PHF8: variants seen among roughly 807,000 people sequenced by gnomAD.
PHF8 encodes the protein histone lysine demethylase PHF8.
A neutral mutation model predicts 74.4 loss-of-function variants in PHF8; 9 were observed. The ratio of observed to expected loss-of-function variants is 0.12; its 90% CI spans 0.07 to 0.21. PHF8 has a LOEUF of 0.21. Ranked by LOEUF, PHF8 falls within the 10% of genes least tolerant of loss-of-function variation. PHF8 has a pLI of 1.00. For missense variants in PHF8, 478 were observed against 816.6 expected, an observed-to-expected ratio of 0.59 and a Z score of 5.05; for synonymous variants, 311 against 316.6, an observed-to-expected ratio of 0.98 and a Z score of 0.19.
intron 18 of PHF8, among the ~76,000 whole-genome samples, chrX:53,979,546 G>C (rs2065446407): frequency 9.0e-6 from 1 of 111,333 alleles, no homozygotes; most frequent in African/African-American, 3.3e-5. Flanking sequence ...CAAAAAACTA[G>C]TTTTTGAAAA....
chrX:53,954,499 CAAAAAAAAAAAA>C (rs1180184175), intron 19 of PHF8, among the ~76,000 whole-genome samples: 2 of 13,138 alleles, frequency 1.5e-4, no homozygotes, highest in South Asian at 6.7e-3. Flanking sequence ...GACTCTGTCT[CAAAAAAAAAAAA>C]AAAAAAAAAA....
intron 2 of PHF8, among the ~76,000 whole-genome samples, chrX:54,024,885 T>C (rs2066240905): frequency 9.0e-6 from 1 of 111,570 alleles, no homozygotes; most frequent in African/African-American, 3.3e-5. Context: ...TATTTATTTA[T>C]TTATTTTTTG....
chrX:53,987,153 C>T lies in PHF8; in HGVS notation c.1920G>A (p.Arg640=). The change falls in exon 16 of 22, where the codon CGG becomes CGA. Residue 640 remains arginine, a synonymous_variant. Transcript: ENST00000338154. ...AGCAAGGCTTCGCACGGGGCAATTTCCGGGGAAATTCTAGAAAACAATGGA... is the reference window on the plus strand; with the variant it reads ...AGCAAGGCTTCGCACGGGGCAATTTTCGGGGAAATTCTAGAAAACAATGGA... The part of the protein sequence containing the change: ...ATLIIRPKFP[R]KLPRAKPCSD... 1 of 1,184,329 alleles carries T rather than the reference C, an allele frequency of 8.4e-7. No homozygotes were observed. Among genetic ancestry groups the T allele is most frequent in the Non-Finnish European group, 1.1e-6 (1 of 871,088 alleles).
At chrX:53,948,732 A>T (rs1159296147) in intron 19 of PHF8, among the ~76,000 whole-genome samples, 2 of 111,620 alleles carry the variant, frequency 1.8e-5, no homozygotes, top group African/African-American at 6.5e-5. Flanking sequence ...ACATATGTTT[A>T]AAAATTGTCG....
chrX:54,042,969 G>T, intron 1 of PHF8, 149 bp from the exon 2 acceptor site: 1 of 539,749 alleles, frequency 1.9e-6, no homozygotes, highest in Non-Finnish European at 2.8e-6. Context: ...AGTCCACCCG[G>T]CCCTTAGAAT....
At chrX:53,992,953 G>C (rs1227382798) in intron 13 of PHF8, 114 bp from the exon 14 acceptor site, 4 of 531,748 alleles carry the variant, frequency 7.5e-6, no homozygotes, top group Non-Finnish European at 1.3e-5. Context: ...CCTGAGCCAA[G>C]GCCTTCTGCT....
At chrX:54,006,843 C>CAGG (rs1361952065) in intron 8 of PHF8, among the ~76,000 whole-genome samples, 7 of 106,550 alleles carry the variant, frequency 6.6e-5, no homozygotes. Context: ...GAGGCTAAGG[C>CAGG]AGGAGAATCG....
chrX:53,941,226 T>C (rs1263402992), intron 20 of PHF8, among the ~76,000 whole-genome samples: 1 of 112,724 alleles, frequency 8.9e-6, no homozygotes, highest in Non-Finnish European at 1.9e-5. Context: ...ATCTGCTTTT[T>C]AGGATTTTTG....
At chrX:53,941,565 C>T (rs1557083557) in intron 20 of PHF8, among the ~76,000 whole-genome samples, 1 of 111,806 alleles carries the variant, frequency 8.9e-6, no homozygotes, top group East Asian at 2.8e-4. Context: ...GTGCTGAGAG[C>T]ATGTAAATCA....
intron 17 of PHF8, 40 bp from the exon 18 acceptor site, chrX:53,985,267 T>C: frequency 9.4e-7 from 1 of 1,059,999 alleles, no homozygotes; most frequent in African/African-American, 1.8e-5. Flanking sequence ...GAGTTGTTTT[T>C]AGCTGTCAGA....
intron 19 of PHF8, among the ~76,000 whole-genome samples, chrX:53,947,414 T>G (rs1182714574): frequency 1.8e-5 from 2 of 113,067 alleles, no homozygotes; most frequent in Non-Finnish European, 3.7e-5. Flanking sequence ...GGAGAATTTC[T>G]GGATAAGCAG....
chrX:53,967,339 C>T (rs1557093211), intron 18 of PHF8, among the ~76,000 whole-genome samples: 15 of 107,347 alleles, frequency 1.4e-4, no homozygotes, highest in African/African-American at 4.8e-4. Flanking sequence ...CCCCGCCCGG[C>T]CAGCCGCCCC....
chrX:54,044,202 C>G lies in PHF8; in HGVS notation c.-533G>C, dbSNP rs1462676194. Reference sequence around the variant, plus strand: ...GGCGAACGGGCAAGTGGCGTCGTCGCTGGGCCGGCAGGAGATACTCGCGAG... The same window carrying G: ...GGCGAACGGGCAAGTGGCGTCGTCGGTGGGCCGGCAGGAGATACTCGCGAG... On this transcript the variant is annotated 5_prime_UTR_variant, in exon 1 of 22. Coordinates refer to ENST00000338154, the MANE Select transcript of PHF8 (RefSeq NM_015107.3). The G allele has an allele frequency of 1.3e-6, 1 of 754,090 alleles. No homozygotes were observed. Among genetic ancestry groups the G allele is most frequent in the African/African-American group, 2.3e-5 (1 of 43,689 alleles). 62.1% of individuals were successfully genotyped at this position (754,090 alleles called of 1,213,427 possible).
intron 18 of PHF8, among the ~76,000 whole-genome samples, chrX:53,976,382 C>T (rs183373524): frequency 1.2e-3 from 138 of 110,734 alleles, no homozygotes; most frequent in African/African-American, 4.4e-3. Flanking sequence ...ATAATCTAAA[C>T]GATCATCTCT....
chrX:53,943,996 C>A, intron 20 of PHF8, 138 bp downstream of exon 20: 1 of 493,432 alleles, frequency 2.0e-6, no homozygotes, highest in Non-Finnish European at 3.6e-6. Flanking sequence ...GGCTGGGATA[C>A]TGCCAAGGAT....
chrX:54,032,009 T>C (rs891359241), intron 2 of PHF8, among the ~76,000 whole-genome samples: 2 of 110,697 alleles, frequency 1.8e-5, no homozygotes, highest in African/African-American at 6.6e-5. Context: ...TGATCTACAG[T>C]AGCCCCGAAA....
chrX:54,003,664 A>G (rs201358815), intron 8 of PHF8, among the ~76,000 whole-genome samples: 2 of 111,825 alleles, frequency 1.8e-5, no homozygotes, highest in East Asian at 5.6e-4. Flanking sequence ...CACCCGGCCT[A>G]TATTGTTCTT....
At chrX:54,035,800 C>T (rs1397628541) in intron 2 of PHF8, among the ~76,000 whole-genome samples, 1 of 110,066 alleles carries the variant, frequency 9.1e-6, no homozygotes, top group Non-Finnish European at 1.9e-5. Flanking sequence ...GAGACCCTGT[C>T]TCAAAAATAA....
At chrX:54,030,575 C>A (rs899124832) in intron 2 of PHF8, among the ~76,000 whole-genome samples, 4 of 112,023 alleles carry the variant, frequency 3.6e-5, no homozygotes, top group Admixed American at 9.5e-5. Flanking sequence ...AGTGTCAAAA[C>A]AGTTTCGTAA....
Sources: allele counts gnomAD v4.1 joint callset (sites outside exome capture counted in the v4.1 genomes callset), GRCh38; gene constraint gnomAD v4.1.1; transcripts MANE v1.5; gene names NCBI Gene and HGNC (gene_info 2026-07-23, HGNC 2026-07-21).